Variants in TRIM14 observed in about 807,000 individuals in gnomAD.
The protein encoded by TRIM14 is tripartite motif-containing protein 14.
In TRIM14, 28 loss-of-function variants were observed where a neutral mutation model predicts 44.5. The ratio of observed to expected loss-of-function variants is 0.63; its 90% CI spans 0.47 to 0.86. The LOEUF is 0.86. Ranked by LOEUF, TRIM14 falls within the 40% of genes least tolerant of loss-of-function variation. TRIM14 has a pLI of 0.00. For synonymous variants in TRIM14, 299 were observed against 269.2 expected (o/e 1.11, Z -1.08); for missense variants, 607 against 611.1 (o/e 0.99, Z 0.07).
the TRIM14 span, among the ~76,000 whole-genome samples, chr9:98,055,796 G>C: frequency 6.6e-6 from 1 of 152,042 alleles, no homozygotes; most frequent in Non-Finnish European, 1.5e-5. Context: ...GGAGTGCAGT[G>C]GTGTGATCTG....
At chr9:98,036,158 T>C in the TRIM14 span, among the ~76,000 whole-genome samples, 2 of 149,802 alleles carry the variant, frequency 1.3e-5, no homozygotes, top group African/African-American at 4.9e-5. Context: ...GATCGTGCCA[T>C]TGCATTCCAG....
rs573750903 is a variant in TRIM14, at chr9:98,072,769, G to A, written c.*29-3082C>T. Among the ~76,000 whole-genome samples the A allele has an allele frequency of 2.8e-3, 419 of 152,260 alleles. 3 individuals are homozygous for A. The Middle Eastern group carries it at 0.034, about 12-fold the overall frequency. ...AATTTACCTTGCCCTCTGTCAAACT[G>A]TTGGAGGTAGATTGGTTCCTTGTTC... On this transcript the variant is annotated intron_variant, in intron 6 of 6. Coordinates refer to the TRIM14 transcript ENST00000375098.
the TRIM14 span, among the ~76,000 whole-genome samples, chr9:98,044,748 A>T: frequency 2.6e-4 from 40 of 152,198 alleles, no homozygotes; most frequent in Non-Finnish European, 4.7e-4. Flanking sequence ...TCAGTTCCTC[A>T]CTTAAATGTA....
intron 6 of TRIM14, chr9:98,078,178 T>G (rs1257002253): frequency 6.2e-7 from 1 of 1,614,026 alleles, no homozygotes; most frequent in East Asian, 2.2e-5. Context: ...ATGGTGTTGG[T>G]GCTGGATTAC....
intron 1 of TRIM14, among the ~76,000 whole-genome samples, chr9:98,113,630 C>T (rs1039500855): frequency 2.6e-5 from 4 of 152,206 alleles, no homozygotes; most frequent in African/African-American, 9.7e-5. Context: ...GCTAGGATTA[C>T]AGGCATGAGC....
chr9:98,099,818 G>A, intron 3 of TRIM14, 113 bp downstream of exon 3: 2 of 906,442 alleles, frequency 2.2e-6, no homozygotes. Context: ...ATGGTGACAA[G>A]ACAATAGTCC....
rs769126916 is a variant in TRIM14 at position 98,109,977 on chromosome 9, C to G, written c.215G>C (p.Ser72Thr). ...TGCCAGCTGCTTTAAACATTCTTGG[C>G]TGAGTTTCTGTACAGGAGGGAGTTA... is the stretch of plus-strand genomic sequence containing the variant. ...LEAAVHVQKLSQECLKQLAIK... is the reference protein window; with the variant it reads ...LEAAVHVQKLTQECLKQLAIK... Residue 72 changes from serine to threonine, a missense_variant, in exon 2 of 6, where the codon AGC (serine) becomes ACC (threonine). Physicochemically the swap from Ser to Thr is moderately conservative, Grantham distance 58 (BLOSUM62 1). Around this residue, in one of 3 missense-constraint regions of TRIM14, gnomAD observed 246 missense variants for 270.8 expected, o/e 0.91. Coordinates refer to ENST00000341469, the MANE Select transcript of TRIM14 (RefSeq NM_014788.4). The G allele has an allele frequency of 1.9e-6, 3 of 1,613,810 alleles. No homozygotes were observed. The highest frequency in any genetic ancestry group is 2.5e-6 in the Non-Finnish European group (3 of 1,179,868).
At chr9:98,101,123 G>C (rs1024094879) in intron 2 of TRIM14, among the ~76,000 whole-genome samples, 4 of 151,728 alleles carry the variant, frequency 2.6e-5, no homozygotes, top group Admixed American at 6.6e-5. Flanking sequence ...TTACAAGCAC[G>C]CACCACCACA....
chr9:98,084,193 T>C (rs2417727), downstream of TRIM14, among the ~76,000 whole-genome samples: 46,728 of 151,704 alleles, frequency 0.31, 9,331 homozygotes, highest in African/African-American at 0.56. Flanking sequence ...CATTCACAAA[T>C]GTTTACTGTG....
At chr9:98,110,455 C>T (rs919865954) in intron 1 of TRIM14, among the ~76,000 whole-genome samples, 3 of 152,172 alleles carry the variant, frequency 2.0e-5, no homozygotes, top group Non-Finnish European at 4.4e-5. Context: ...GGGGTTCATG[C>T]TTCCTGCTCT....
At chr9:98,042,868 CAAA>C in the TRIM14 span, among the ~76,000 whole-genome samples, 5 of 112,374 alleles carry the variant, frequency 4.4e-5, no homozygotes, top group Non-Finnish European at 3.8e-5. Context: ...GACTCTACCT[CAAA>C]AAAAAAAAAA....
chr9:98,067,019 G>A (rs1587910093), downstream of TRIM14, among the ~76,000 whole-genome samples: 1 of 152,110 alleles, frequency 6.6e-6, no homozygotes, highest in African/African-American at 2.4e-5. Context: ...ACAATATGTG[G>A]TCCTTCGAGC....
intron 6 of TRIM14, among the ~76,000 whole-genome samples, chr9:98,072,413 ATTTTTTTTTTT>A (rs1004255694): frequency 7.6e-6 from 1 of 132,176 alleles, no homozygotes. Flanking sequence ...GGGAAAGTGC[ATTTTTTTTTTT>A]TTTTTGAGAC....
chr9:98,096,092 G>A (rs1333209024), intron 3 of TRIM14, among the ~76,000 whole-genome samples: 1 of 152,208 alleles, frequency 6.6e-6, no homozygotes, highest in African/African-American at 2.4e-5. Flanking sequence ...GGCTTGGCTG[G>A]CAGTGGCAGT....
At chr9:98,102,763 T>C (rs947260968) in intron 2 of TRIM14, among the ~76,000 whole-genome samples, 1 of 152,172 alleles carries the variant, frequency 6.6e-6, no homozygotes, top group Non-Finnish European at 1.5e-5. Flanking sequence ...ACACAGGTGA[T>C]GGCTATACAA....
chr9:98,069,122 T>C (rs538731795), downstream of TRIM14, among the ~76,000 whole-genome samples: 1 of 152,218 alleles, frequency 6.6e-6, no homozygotes, highest in South Asian at 2.1e-4. Context: ...TTAACATTCA[T>C]ACAAAAACCT....
downstream of TRIM14, among the ~76,000 whole-genome samples, chr9:98,068,080 T>C (rs1020137236): frequency 2.6e-5 from 4 of 152,174 alleles, no homozygotes; most frequent in Non-Finnish European, 5.9e-5. Flanking sequence ...TTTGATGATG[T>C]CCAAATTATC....
At chr9:98,036,500 G>GAAAAAAAAAAAA in the TRIM14 span, among the ~76,000 whole-genome samples, 1 of 102,532 alleles carries the variant, frequency 9.8e-6, no homozygotes, top group African/African-American at 3.6e-5. Context: ...GACTCCATCT[G>GAAAAAAAAAAAA]AAAAAAAAAA....
At chr9:98,068,045 C>G (rs1010081491), downstream of TRIM14, among the ~76,000 whole-genome samples, 3 of 152,050 alleles carry the variant, frequency 2.0e-5, no homozygotes, top group African/African-American at 7.2e-5. Flanking sequence ...TTGATAGTGT[C>G]CTCTGAATTA....
Sources: allele counts gnomAD v4.1 joint callset (sites outside exome capture counted in the v4.1 genomes callset), GRCh38; gene constraint gnomAD v4.1.1; regional missense constraint gnomAD v4.1.1; transcripts MANE v1.5; gene names NCBI Gene and HGNC (gene_info 2026-07-23, HGNC 2026-07-21).